RAPGEFL1: variants seen among roughly 807,000 people sequenced by gnomAD.
RAPGEFL1 encodes the protein rap guanine nucleotide exchange factor-like 1.
RAPGEFL1 carries 31 observed loss-of-function variants against 64.4 expected under a neutral mutation model. The observed-to-expected ratio is 0.48, with a 90% confidence interval of 0.36 to 0.65. The LOEUF is 0.65. Among genes scored for constraint, RAPGEFL1 ranks in the 30% least tolerant of loss-of-function variants. RAPGEFL1 has a pLI of 0.00. For synonymous variants in RAPGEFL1, 331 were observed against 274.1 expected, an observed-to-expected ratio of 1.21 and a Z score of -2.05; for missense variants, 682 against 677.4, an observed-to-expected ratio of 1.01 and a Z score of -0.08.
intron 4 of RAPGEFL1, among the ~76,000 whole-genome samples, chr17:40,185,654 C>T (rs920925767): frequency 1.3e-5 from 2 of 151,234 alleles, no homozygotes; most frequent in Admixed American, 6.6e-5. Context: ...CGTGGTAGGG[C>T]GCTCCTGTAG....
chr17:40,192,786 C>G, intron 12 of RAPGEFL1, 93 bp downstream of exon 12: 1 of 1,388,114 alleles, frequency 7.2e-7, no homozygotes, highest in Non-Finnish European at 1.0e-6. Flanking sequence ...TCGACTCAGC[C>G]CTGAGTACCC....
At position 40,191,254 on chromosome 17, in the gene RAPGEFL1, C is replaced by A; in HGVS notation, c.1336-62C>A. On this transcript the variant is annotated intron_variant, in intron 8 of 14. Transcript: ENST00000620260. This position sits in a 1 kb window ranked among gnomAD's most constrained non-coding sequence, Gnocchi z 5.1. ...GCTCCTCATCGCCTTGCACTGCCAT[C>A]TTCCCACCCACTCCCCTCACCCCCT... 1 of 1,455,284 alleles carries A rather than the reference C, an allele frequency of 6.9e-7. No homozygotes were observed. Among genetic ancestry groups the A allele is most frequent in the Non-Finnish European group, 9.1e-7 (1 of 1,102,162 alleles). The allele number at this position is 1,455,284 out of a possible 1,614,324, so 90.1% of individuals were successfully genotyped here.
intron 2 of RAPGEFL1, among the ~76,000 whole-genome samples, chr17:40,183,835 C>CTTTT (rs34505274): frequency 1.4e-4 from 8 of 56,880 alleles, no homozygotes; most frequent in Admixed American, 2.2e-4. Context: ...TTTTTTTTGC[C>CTTTT]TTTTTTTTTT....
Position 40,190,728 on chromosome 17 carries a change from C to G in RAPGEFL1, c.1301C>G (p.Ala434Gly). Residue 434 changes from alanine (A) to glycine (G), a missense_variant, in exon 8 of 15, where the codon GCC becomes GGC. By Grantham distance (60) the Ala-to-Gly change is moderately conservative (BLOSUM62 0). Transcript: ENST00000620260. Reference protein sequence around the residue: ...EPEDVANHLTAFHWELFRCVH... With the variant: ...EPEDVANHLTGFHWELFRCVH... ...GAGGACGTTGCCAACCACCTAACTG[C>G]CTTCCACTGGGAGCTGTTCCGATGT... 1.2e-6 allele frequency: 2 copies of G among 1,614,168 alleles called. No homozygotes were observed. The highest frequency in any genetic ancestry group is 1.7e-6 in the Non-Finnish European group (2 of 1,180,022).
chr17:40,193,584 GCCTGA>G (rs1227315344), intron 14 of RAPGEFL1, 75 bp from the exon 15 acceptor site: 1 of 1,608,444 alleles, frequency 6.2e-7, no homozygotes, highest in East Asian at 2.2e-5. Context: ...TCAGTCCACA[GCCTGA>G]TCTTCTGCCC....
chr17:40,182,525 G>A (rs1019607641), intron 2 of RAPGEFL1, among the ~76,000 whole-genome samples: 2 of 152,214 alleles, frequency 1.3e-5, no homozygotes, highest in Non-Finnish European at 2.9e-5. Flanking sequence ...TGTTGCCCAG[G>A]CTGGTCTCGA....
At chr17:40,178,820 A>G (rs1250018079) in intron 1 of RAPGEFL1, among the ~76,000 whole-genome samples, 1 of 152,224 alleles carries the variant, frequency 6.6e-6, no homozygotes, top group Non-Finnish European at 1.5e-5. Context: ...AGGCCTACAC[A>G]GCGCAGGCTG....
At chr17:40,187,571 G>A (rs1598442635) in intron 4 of RAPGEFL1, among the ~76,000 whole-genome samples, 1 of 151,480 alleles carries the variant, frequency 6.6e-6, no homozygotes, top group East Asian at 1.9e-4. Flanking sequence ...ACTTCCCATG[G>A]TCGGTTATAT....
chr17:40,184,638 A>T lies in RAPGEFL1; in HGVS notation c.793A>T (p.Thr265Ser). The T allele has an allele frequency of 6.3e-7, 1 of 1,592,914 alleles. No homozygotes were observed. Among genetic ancestry groups the T allele is most frequent in the Non-Finnish European group, 8.6e-7 (1 of 1,165,182 alleles). ...CCTTTACCAGGGCCTCCGAGAGGAC[A>T]CTCTGAGGCTGCACCAGCTGGTGGA... ...ESLYQGLRED[T>S]LRLHQLVETV... The change falls in exon 4 of 15, where the codon ACT becomes TCT. Residue 265 changes from threonine to serine, a missense_variant. Thr to Ser is a moderately conservative substitution (Grantham distance 58). Transcript: ENST00000620260.
chr17:40,188,115 A>G (rs1990141892), intron 4 of RAPGEFL1, among the ~76,000 whole-genome samples: 1 of 151,608 alleles, frequency 6.6e-6, no homozygotes, highest in Admixed American at 6.6e-5. Flanking sequence ...GGGTTTCACC[A>G]TGTTGGCCAG....
chr17:40,180,311 C>G (rs552459320), intron 1 of RAPGEFL1, among the ~76,000 whole-genome samples: 3 of 152,154 alleles, frequency 2.0e-5, no homozygotes, highest in Admixed American at 6.5e-5. Flanking sequence ...TCATTCTCCC[C>G]TGGGGTAAGA....
At position 40,188,974 on chromosome 17, in the gene RAPGEFL1, T is replaced by C; in HGVS notation, c.942T>C (p.Asp314=). Residue 314 remains aspartate (D), a synonymous_variant, in exon 5 of 15, where the codon GAT becomes GAC. Transcript: ENST00000620260. ...CCCGGGTGGCCTTCCGGGGCTCTGA[T>C]GAGAGTGAGTGTGGGCATTAGGAGG... ...LQTRVAFRGS[D]EIFCRVYMPD... The C allele has an allele frequency of 1.2e-6, 2 of 1,613,370 alleles. No homozygotes were observed. The highest frequency in any genetic ancestry group is 1.7e-5 in the Admixed American group (1 of 60,000).
rs1396532785 is a variant in RAPGEFL1, at chr17:40,178,391, C to A, written c.520+10C>A. On this transcript the variant is annotated intron_variant, in intron 1 of 14. Transcript: ENST00000620260. ...GACAGCGCCGCCTCAGGTAAGGAGC[C>A]GGTGGGCTCGAACACCCAGAGCAGG... The A allele has an allele frequency of 6.1e-6, 3 of 494,832 alleles. No homozygotes were observed. Among genetic ancestry groups the A allele is most frequent in the Non-Finnish European group, 1.1e-5 (3 of 276,518 alleles). 30.7% of individuals were successfully genotyped at this position (494,832 alleles called of 1,614,324 possible).
intron 6 of RAPGEFL1, among the ~76,000 whole-genome samples, chr17:40,189,607 G>C (rs1487601854): frequency 1.3e-5 from 2 of 152,156 alleles, no homozygotes; most frequent in Admixed American, 6.5e-5. Flanking sequence ...AGGATTGCTT[G>C]AGCCCAGGAA....
intron 8 of RAPGEFL1, 142 bp downstream of exon 8, chr17:40,190,904 C>T (rs2145222215): frequency 2.2e-6 from 3 of 1,338,436 alleles, no homozygotes; most frequent in East Asian, 4.7e-5. Flanking sequence ...ACCTTTGTTC[C>T]CCCATCTGAA....
chr17:40,184,637 C>T lies in RAPGEFL1; in HGVS notation c.792C>T (p.Asp264=). 2 of 1,593,710 alleles carry T rather than the reference C, an allele frequency of 1.3e-6. No homozygotes were observed. The highest frequency in any genetic ancestry group is 1.7e-6 in the Non-Finnish European group (2 of 1,165,540). ...CCCTTTACCAGGGCCTCCGAGAGGA[C>T]ACTCTGAGGCTGCACCAGCTGGTGG... ...DESLYQGLRE[D]TLRLHQLVET... Residue 264 remains aspartate (D), a synonymous_variant, in exon 4 of 15, where the codon GAC becomes GAT. Transcript: ENST00000620260.
At chr17:40,193,071 TAGC>T in intron 13 of RAPGEFL1, 81 bp downstream of exon 13, 5 of 1,336,630 alleles carry the variant, frequency 3.7e-6, no homozygotes, top group East Asian at 2.3e-5. Flanking sequence ...CTCCCAAAAA[TAGC>T]AGCCTTCCTC....
chr17:40,191,276 C>G lies in RAPGEFL1; in HGVS notation c.1336-40C>G, dbSNP rs764552073. 2.6e-6 allele frequency: 4 copies of G among 1,513,240 alleles called. No homozygotes were observed. The highest frequency in any genetic ancestry group is 3.5e-6 in the Non-Finnish European group (4 of 1,138,384). 93.7% of individuals were successfully genotyped at this position (1,513,240 alleles called of 1,614,324 possible). ...CATCTTCCCACCCACTCCCCTCACCCCCTGGCGCCCTGGCCGCCCCTCCGC... is the reference window on the plus strand; with the variant it reads ...CATCTTCCCACCCACTCCCCTCACCGCCTGGCGCCCTGGCCGCCCCTCCGC... On this transcript the variant is annotated intron_variant, in intron 8 of 14. Coordinates refer to ENST00000620260, the MANE Select transcript of RAPGEFL1 (RefSeq NM_016339.6). The surrounding 1 kb of genome is among the most constrained non-coding windows in gnomAD (Gnocchi z 5.1).
At chr17:40,179,997 G>T (rs1433142196) in intron 1 of RAPGEFL1, among the ~76,000 whole-genome samples, 2 of 152,170 alleles carry the variant, frequency 1.3e-5, no homozygotes, top group Non-Finnish European at 2.9e-5. Flanking sequence ...CATTCCCTAG[G>T]GAGGCTGTAC....
Sources: allele counts gnomAD v4.1 joint callset (sites outside exome capture counted in the v4.1 genomes callset), GRCh38; gene constraint gnomAD v4.1.1; non-coding constraint Gnocchi (gnomAD v3.1); transcripts MANE v1.5; gene names NCBI Gene and HGNC (gene_info 2026-07-23, HGNC 2026-07-21).